The following LOC128125814 variants were observed in gnomAD, a reference collection of about 807,000 sequenced individuals.
chr12:57,519,995 CAG>C, the LOC128125814 span, among the ~76,000 whole-genome samples: 1 of 152,198 alleles, frequency 6.6e-6, no homozygotes, highest in African/African-American at 2.4e-5. Flanking sequence ...GAGACTGAGA[CAG>C]AATTGGGGGT....
At chr12:57,519,835 C>T in the LOC128125814 span, among the ~76,000 whole-genome samples, 2 of 152,196 alleles carry the variant, frequency 1.3e-5, no homozygotes, top group African/African-American at 4.8e-5. Context: ...GTGCAGGAGG[C>T]CCAGAGACCT....
chr12:57,517,828 CTTTCTTTTTTT>C, the LOC128125814 span: 1 of 425,784 alleles, frequency 2.3e-6, no homozygotes, highest in Non-Finnish European at 4.1e-6. Flanking sequence ...TTCTTTTTTT[CTTTCTTTTTTT>C]TTTTTTGAGA....
chr12:57,517,835 T>TC, the LOC128125814 span: 1 of 427,468 alleles, frequency 2.3e-6, no homozygotes, highest in Non-Finnish European at 4.1e-6. Flanking sequence ...TTTCTTTCTT[T>TC]TTTTTTTTTT....
chr12:57,519,470 A>G, the LOC128125814 span, among the ~76,000 whole-genome samples: 2 of 152,294 alleles, frequency 1.3e-5, no homozygotes, highest in Admixed American at 1.3e-4. Context: ...TTAAGAATGA[A>G]TGGATAAACT....
chr12:57,519,729 G>C, the LOC128125814 span, among the ~76,000 whole-genome samples: 1 of 152,200 alleles, frequency 6.6e-6, no homozygotes, highest in Admixed American at 6.5e-5. Context: ...AGACAGGACC[G>C]GGTTAAAGAG....
chr12:57,520,420 C>T, the LOC128125814 span: 2 of 398,574 alleles, frequency 5.0e-6, no homozygotes, highest in East Asian at 7.1e-5. Flanking sequence ...GTACTCGCCT[C>T]TCTCCTCAGG....
chr12:57,520,367 C>T, the LOC128125814 span: 4 of 398,594 alleles, frequency 1.0e-5, no homozygotes, highest in Non-Finnish European at 1.8e-5. Context: ...AGCGGACGCC[C>T]CAACTTTGAG....
chr12:57,520,479 A>G, the LOC128125814 span: 15 of 398,494 alleles, frequency 3.8e-5, no homozygotes, highest in Non-Finnish European at 6.2e-5. Context: ...CATCTTTAAC[A>G]TGATACGCTC....
At chr12:57,519,103 C>T in the LOC128125814 span, 1 of 531,814 alleles carries the variant, frequency 1.9e-6, no homozygotes, top group South Asian at 1.4e-5. Context: ...AAGGTCTTCC[C>T]ATTTCTTCTC....
the LOC128125814 span, among the ~76,000 whole-genome samples, chr12:57,518,748 T>C: frequency 6.6e-6 from 1 of 152,234 alleles, no homozygotes; most frequent in Non-Finnish European, 1.5e-5. Context: ...AACCTCCGCC[T>C]GCTGGGTTCA....
At chr12:57,517,717 TGTG>T in the LOC128125814 span, 2 of 556,488 alleles carry the variant, frequency 3.6e-6, no homozygotes, top group Non-Finnish European at 6.4e-6. Context: ...TGCTTTCAGG[TGTG>T]GTGATGTATG....
chr12:57,517,824 TTTTC>T, the LOC128125814 span: 28 of 432,002 alleles, frequency 6.5e-5, no homozygotes, highest in South Asian at 2.1e-4. Flanking sequence ...CTTTTTCTTT[TTTTC>T]TTTCTTTTTT....
chr12:57,518,256 G>A, the LOC128125814 span, among the ~76,000 whole-genome samples: 30 of 152,130 alleles, frequency 2.0e-4, no homozygotes, highest in Non-Finnish European at 7.4e-5. Flanking sequence ...GCTGACATTT[G>A]TAGTCCTGGT....
the LOC128125814 span, chr12:57,519,310 C>T: frequency 4.4e-6 from 2 of 452,150 alleles, no homozygotes; most frequent in South Asian, 3.1e-5. Context: ...CCTGAACATT[C>T]TCCATTCCTT....
At chr12:57,518,722 G>A in the LOC128125814 span, among the ~76,000 whole-genome samples, 3 of 152,282 alleles carry the variant, frequency 2.0e-5, no homozygotes, top group Middle Eastern at 3.4e-3. Flanking sequence ...AGGCAGTGGC[G>A]CAATCGGCTC....
the LOC128125814 span, among the ~76,000 whole-genome samples, chr12:57,518,820 G>A: frequency 6.6e-6 from 1 of 152,090 alleles, no homozygotes; most frequent in African/African-American, 2.4e-5. Context: ...TGCCATGCCC[G>A]GCTAATTTTT....
the LOC128125814 span, among the ~76,000 whole-genome samples, chr12:57,519,002 A>G: frequency 6.6e-6 from 1 of 152,196 alleles, no homozygotes; most frequent in Non-Finnish European, 1.5e-5. Context: ...ACCTTTGCTT[A>G]GAAGAATCTA....
chr12:57,517,743 C>T, the LOC128125814 span: 15 of 481,366 alleles, frequency 3.1e-5, no homozygotes, highest in Non-Finnish European at 4.8e-5. Context: ...GATACACTTC[C>T]TTCTTGAACA....
the LOC128125814 span, chr12:57,520,337 G>A: frequency 2.5e-6 from 1 of 398,256 alleles, no homozygotes; most frequent in Non-Finnish European, 4.4e-6. Context: ...CACTGTGGAG[G>A]AGTGAGGCCG....
Sources: gnomAD v4.1 joint callset for allele counts (sites outside exome capture counted in the v4.1 genomes callset) on GRCh38, gnomAD v4.1.1 for gene constraint, MANE v1.5 for transcripts.